Variants in PIEZO2 observed in about 807,000 individuals in gnomAD.
The protein encoded by PIEZO2 is piezo type mechanosensitive ion channel component 2.
PIEZO2 carries 172 observed loss-of-function variants against 337.3 expected under a neutral mutation model. The observed-to-expected ratio is 0.51, with a 90% CI of 0.45 to 0.58. PIEZO2 has a LOEUF of 0.58. Among genes scored for constraint, PIEZO2 ranks in the 20% least tolerant of loss-of-function variants. The probability of loss-of-function intolerance (pLI) is 0.00; values close to 1 mark genes in which losing one functional copy is unlikely to be tolerated. For missense variants in PIEZO2, 3,028 were observed against 3,391.3 expected, an observed-to-expected ratio of 0.89 and a Z score of 2.66; for synonymous variants, 1,251 against 1,228.5, an observed-to-expected ratio of 1.02 and a Z score of -0.38.
In PIEZO2 at chr18:11,016,635, T is replaced by C. The variant is rs2036125069; in HGVS notation, c.161-36975A>G. ...ACAAATGCTGGGATTCTGAATACAATCCTAGAAAAGGCAAAACCAAAAATG... is the reference window on the plus strand; with the variant it reads ...ACAAATGCTGGGATTCTGAATACAACCCTAGAAAAGGCAAAACCAAAAATG... On this transcript the variant is annotated intron_variant, in intron 2 of 55. Coordinates refer to ENST00000674853, the MANE Select transcript of PIEZO2 (RefSeq NM_001378183.1). The surrounding 1 kb of genome is among the most constrained non-coding windows in gnomAD (Gnocchi z 5.6). Among the ~76,000 whole-genome samples the C allele has an allele frequency of 6.6e-6, 1 of 152,116 alleles. No individual in the cohort carries two copies. Among genetic ancestry groups the C allele is most frequent in the Non-Finnish European group, 1.5e-5 (1 of 68,024 alleles).
Position 10,705,817 on chromosome 18 carries a change from TGA to T in PIEZO2, c.5589-73_5589-72del, listed in dbSNP as rs2035562763. 4 of 1,435,134 alleles carry T rather than the reference TGA, an allele frequency of 2.8e-6. No individual in the cohort carries two copies. The East Asian group carries it at 7.5e-5, about 27-fold the overall frequency. The allele number at this position is 1,435,134 out of a possible 1,614,324, so 88.9% of individuals were successfully genotyped here. A position where few individuals can be genotyped will look rare whatever the true frequency, so the allele number is the denominator to read the frequency against. On this transcript the variant is annotated intron_variant, in intron 40 of 55. Coordinates refer to ENST00000674853, the MANE Select transcript of PIEZO2 (RefSeq NM_001378183.1). ...CACTCCTGGGGTTCTTTCCCATTCC[TGA>T]GAGACCTCATCAGAACTCCTAAGGA...
chr18:10,748,773 A>G lies in PIEZO2; in HGVS notation c.4265-143T>C, dbSNP rs1335638558. 1.3e-6 allele frequency: 1 copy of G among 743,734 alleles called. No homozygotes were observed. Among genetic ancestry groups the G allele is most frequent in the Admixed American group, 3.4e-5 (1 of 29,122 alleles). 46.1% of individuals were successfully genotyped at this position (743,734 alleles called of 1,614,324 possible). On this transcript the variant is annotated intron_variant, in intron 29 of 55. Transcript: ENST00000674853. The surrounding 1 kb of genome is among the most constrained non-coding windows in gnomAD (Gnocchi z 5.1). Reference sequence around the variant, plus strand: ...CTCTGACTTACTTATGAGTTGATTTATTTACAAGGAGATCACACACTTCCA... The same window carrying G: ...CTCTGACTTACTTATGAGTTGATTTGTTTACAAGGAGATCACACACTTCCA...
chr18:10,697,634 A>T, intron 45 of PIEZO2, 114 bp downstream of exon 45: 1 of 1,385,624 alleles, frequency 7.2e-7, no homozygotes, highest in Non-Finnish European at 9.8e-7. Flanking sequence ...CCTTACGCAG[A>T]TAACATTTGT....
In PIEZO2 at chr18:10,701,800, A is replaced by C. The variant is rs4796900; in HGVS notation, c.6441+189T>G. ...CACCACAAGTGTTGGAAAAAATGTC[A>C]GCTAAATGAACTTAACCTTTTTCTT... On this transcript the variant is annotated intron_variant, in intron 43 of 55. Coordinates refer to ENST00000674853, the MANE Select transcript of PIEZO2 (RefSeq NM_001378183.1). 0.23 allele frequency: 102,085 copies of C among 452,144 alleles called. 12,194 individuals are homozygous for C. Among genetic ancestry groups the C allele is most frequent in the South Asian group, 0.27 (3,983 of 14,614 alleles). 28.0% of individuals were successfully genotyped at this position (452,144 alleles called of 1,614,324 possible).
rs2033378545 is a variant in PIEZO2 at position 10,953,324 on chromosome 18, C to G, written c.286+26211G>C. Among the ~76,000 whole-genome samples, 2 of 152,112 alleles carry G rather than the reference C, an allele frequency of 1.3e-5. No homozygotes were observed. The highest frequency in any genetic ancestry group is 2.4e-5 in the African/African-American group (1 of 41,416). ...TTAAGAAAACTTTGCCCTTCCCTAA[C>G]CCAAGATTACAAACATTTTCTCCTA... On this transcript the variant is annotated intron_variant, in intron 3 of 55. Transcript: ENST00000674853. The surrounding 1 kb of genome is among the most constrained non-coding windows in gnomAD (Gnocchi z 5.2).
chr18:11,082,517 C>A (rs2038784258), intron 1 of PIEZO2, among the ~76,000 whole-genome samples: 1 of 152,042 alleles, frequency 6.6e-6, no homozygotes, highest in East Asian at 1.9e-4. Context: ...TGGGGTTTCA[C>A]CGTGTTAGCC....
At position 11,108,037 on chromosome 18, in the gene PIEZO2, T is replaced by A. The variant is rs546038362; in HGVS notation, c.64+40488A>T. 2.1e-4 allele frequency among the ~76,000 whole-genome samples: 32 copies of A among 152,328 alleles called. 1 individual carries two copies. In the South Asian group the frequency reaches 6.6e-3, roughly 32 times the overall value. On this transcript the variant is annotated intron_variant, in intron 1 of 55. Coordinates refer to ENST00000674853, the MANE Select transcript of PIEZO2 (RefSeq NM_001378183.1). Reference sequence around the variant, plus strand: ...ACAATACATAGGAATCCTCATTCACTAGTATTTGTTATAATATTAACTCAA... The same window carrying A: ...ACAATACATAGGAATCCTCATTCACAAGTATTTGTTATAATATTAACTCAA...
At chr18:10,983,129 C>T (rs184122413) in intron 2 of PIEZO2, among the ~76,000 whole-genome samples, 31 of 152,238 alleles carry the variant, frequency 2.0e-4, no homozygotes, top group Admixed American at 1.6e-3. Context: ...TTTATATTAA[C>T]TTGATAAATG....
rs1034388302 is a variant in PIEZO2 at position 11,001,551 on chromosome 18, C to T, written c.161-21891G>A. Among the ~76,000 whole-genome samples the T allele has an allele frequency of 2.0e-5, 3 of 152,030 alleles. No individual in the cohort carries two copies. The highest frequency in any genetic ancestry group is 4.8e-5 in the African/African-American group (2 of 41,400). On this transcript the variant is annotated intron_variant, in intron 2 of 55. Coordinates refer to ENST00000674853, the MANE Select transcript of PIEZO2 (RefSeq NM_001378183.1). This position sits in a 1 kb window ranked among gnomAD's most constrained non-coding sequence, Gnocchi z 5.3. The stretch of plus-strand genomic sequence containing the variant: ...GTTATGTGTTGTGTGTGCACATTTT[C>T]CAGAAATCAGAAGTAAGGATTTGCT...
intron 5 of PIEZO2, among the ~76,000 whole-genome samples, chr18:10,860,007 T>G (rs1293520004): frequency 6.6e-6 from 1 of 152,116 alleles, no homozygotes; most frequent in African/African-American, 2.4e-5. Flanking sequence ...CCTCTATTTT[T>G]GTCTAGGGAG....
intron 35 of PIEZO2, among the ~76,000 whole-genome samples, chr18:10,732,709 G>T (rs919219363): frequency 2.0e-5 from 3 of 152,128 alleles, no homozygotes; most frequent in African/African-American, 7.2e-5. Context: ...ATGGGAAGAC[G>T]AACTGGAATT....
Position 10,855,614 on chromosome 18 carries a change from A to T in PIEZO2, c.704-48T>A, listed in dbSNP as rs1477744978. 2.2e-6 allele frequency: 3 copies of T among 1,395,252 alleles called. No individual in the cohort carries two copies. In the South Asian group the frequency reaches 3.8e-5, roughly 18 times the overall value. The allele number at this position is 1,395,252 out of a possible 1,614,324, so 86.4% of individuals were successfully genotyped here. On this transcript the variant is annotated intron_variant, in intron 6 of 55. Coordinates refer to ENST00000674853, the MANE Select transcript of PIEZO2 (RefSeq NM_001378183.1). The surrounding 1 kb of genome is among the most constrained non-coding windows in gnomAD (Gnocchi z 4.9). ...CAAAGTCAGGTAGAACTGGAAATTC[A>T]CTTATCATTCAGTGAATGTGACTAT...
At chr18:10,987,360 C>T (rs1331887225) in intron 2 of PIEZO2, among the ~76,000 whole-genome samples, 1 of 152,026 alleles carries the variant, frequency 6.6e-6, no homozygotes, top group Non-Finnish European at 1.5e-5. Context: ...TAAAAACAGA[C>T]ACACAGAAAA....
In PIEZO2 at chr18:10,767,284, G is replaced by C. The variant is rs190959343; in HGVS notation, c.2946+2864C>G. Among the ~76,000 whole-genome samples, 2 of 152,140 alleles carry C rather than the reference G, an allele frequency of 1.3e-5. No individual in the cohort carries two copies. Among genetic ancestry groups the C allele is most frequent in the Non-Finnish European group, 2.9e-5 (2 of 68,022 alleles). ...TAAAGGTTTCTCTGTTTCTTTTCCA[G>C]CAACTTCTTCTTTTTCAGATGCTTC... On this transcript the variant is annotated intron_variant, in intron 21 of 55. Transcript: ENST00000674853. The surrounding 1 kb of genome is among the most constrained non-coding windows in gnomAD (Gnocchi z 4.2).
At chr18:10,902,115 T>C (rs983988771) in intron 4 of PIEZO2, among the ~76,000 whole-genome samples, 1 of 152,208 alleles carries the variant, frequency 6.6e-6, no homozygotes, top group Non-Finnish European at 1.5e-5. Context: ...GAACTGCACA[T>C]GCAAGGGATC....
At chr18:10,876,300 C>T (rs1183887616) in intron 4 of PIEZO2, among the ~76,000 whole-genome samples, 1 of 152,210 alleles carries the variant, frequency 6.6e-6, no homozygotes, top group East Asian at 1.9e-4. Flanking sequence ...TTGAGAAGTT[C>T]TGTAGTAAAA....
chr18:10,774,489 G>A (rs1240310292), intron 18 of PIEZO2, among the ~76,000 whole-genome samples: 1 of 152,090 alleles, frequency 6.6e-6, no homozygotes, highest in Non-Finnish European at 1.5e-5. Context: ...GGAGTGAGAC[G>A]TCTGCATCAT....
At chr18:10,740,569 C>G (rs1000259033) in intron 33 of PIEZO2, 2 of 159,116 alleles carry the variant, frequency 1.3e-5, no homozygotes, top group African/African-American at 4.8e-5. Context: ...CACTGGCATC[C>G]ATGCCTAGTG....
Position 11,071,954 on chromosome 18 carries a change from G to A in PIEZO2, c.65-5732C>T, listed in dbSNP as rs145915334. Among the ~76,000 whole-genome samples the A allele has an allele frequency of 2.3e-3, 353 of 150,318 alleles. 4 individuals carry two copies. The highest frequency in any genetic ancestry group is 0.019 in the Admixed American group (292 of 15,124). ...AGTTTCCCACCCGTGCCCATCCTGC[G>A]CTCCATGCTACTGCAAAACTACATC... On this transcript the variant is annotated intron_variant, in intron 1 of 55. Coordinates refer to ENST00000674853, the MANE Select transcript of PIEZO2 (RefSeq NM_001378183.1).
Sources: gnomAD v4.1 joint callset for allele counts (sites outside exome capture counted in the v4.1 genomes callset) on GRCh38, gnomAD v4.1.1 for gene constraint, Gnocchi (gnomAD v3.1) non-coding constraint, MANE v1.5 for transcripts, NCBI Gene and HGNC (gene_info 2026-07-23, HGNC 2026-07-21) for gene names.